LZTS2: variants seen among roughly 807,000 people sequenced by gnomAD.
LZTS2 encodes the protein leucine zipper tumor suppressor 2.
Under a neutral mutation model 60.6 loss-of-function variants are expected in LZTS2, and 32 were observed. That is an observed-to-expected ratio of 0.53 (90% CI 0.40 to 0.71). LZTS2 has a LOEUF of 0.71. LZTS2 is among the 30% of genes least tolerant of loss of function. LZTS2 has a pLI of 0.00. For missense variants in LZTS2, 792 were observed against 901.9 expected (o/e 0.88, Z 1.56); for synonymous variants, 360 against 393.1 (o/e 0.92, Z 1.00).
intron 3 of LZTS2, 47 bp downstream of exon 4, chr10:101,005,762 AC>A: frequency 2.7e-6 from 4 of 1,463,072 alleles, no homozygotes; most frequent in Non-Finnish European, 3.6e-6. Context: ...ACAGGGAGAA[AC>A]CCTGGAAAAA....
exon 4 of LZTS2, chr10:101,006,556 G>A: frequency 2.5e-6 from 4 of 1,611,596 alleles, no homozygotes; most frequent in South Asian, 1.1e-5. Context: ...AGCTGGTGCA[G>A]AAGGGCAGCG....
rs759282265 is a variant in LZTS2, at chr10:101,005,648, G to A, written c.1259G>A (p.Arg420Gln). The stretch of plus-strand genomic sequence containing the variant: ...CTGCAGGAGCGCGAACAGCTGGAGC[G>A]GCGCTGCGCCACCTTGGAGCGGGAG... The change falls in exon 3 of 4, where the codon CGG becomes CAG. Residue 420 changes from arginine to glutamine, a missense_variant. By Grantham distance (43) the Arg-to-Gln change is conservative (BLOSUM62 1). Coordinates refer to ENST00000370220, the Ensembl canonical transcript of LZTS2. The A allele has an allele frequency of 3.0e-5, 48 of 1,609,216 alleles. No individual in the cohort carries two copies. The African/African-American group carries it at 4.5e-4, about 15-fold the overall frequency.
intron 2 of LZTS2, among the ~76,000 whole-genome samples, chr10:101,004,916 G>A (rs753259666): frequency 2.6e-4 from 40 of 152,052 alleles, no homozygotes; most frequent in Non-Finnish European, 5.3e-4. Context: ...CAAGCTGGTC[G>A]CGAACCCCTG....
chr10:101,004,564 T>C (rs1007929776), intron 2 of LZTS2, among the ~76,000 whole-genome samples: 16 of 152,122 alleles, frequency 1.1e-4, no homozygotes, highest in African/African-American at 3.4e-4. Context: ...CATTCCACCA[T>C]TGCACTCCAG....
intron 3 of LZTS2, among the ~76,000 whole-genome samples, 196 bp downstream of exon 4, chr10:101,005,911 C>T (rs1391595468): frequency 4.6e-5 from 7 of 152,224 alleles, no homozygotes; most frequent in African/African-American, 1.7e-4. Context: ...CACGTAGCCA[C>T]GCTTCCAGCC....
exon 4 of LZTS2, chr10:101,006,863 G>A: frequency 6.5e-7 from 1 of 1,531,720 alleles, no homozygotes; most frequent in Non-Finnish European, 8.8e-7. Context: ...CGGGGTTGGG[G>A]GCAGCTTGCG....
At chr10:101,004,152 GCTA>G in exon 2 of LZTS2, 1 of 1,600,622 alleles carries the variant, frequency 6.2e-7, no homozygotes, top group Non-Finnish European at 8.5e-7. Context: ...CGAGAATGAG[GCTA>G]CCATGTGCCA....
At chr10:101,002,600 C>G (rs770673811) in exon 1 of LZTS2, 10 of 1,558,894 alleles carry the variant, frequency 6.4e-6, no homozygotes, top group Non-Finnish European at 8.7e-6. Context: ...GCCACTGCCC[C>G]ACAAGCTCCA....
intron 1 of LZTS2, 113 bp downstream of exon 2, chr10:101,003,059 C>G: frequency 7.6e-7 from 1 of 1,316,004 alleles, no homozygotes; most frequent in East Asian, 2.5e-5. Context: ...TTCACCAGAC[C>G]TGGGTCCTAA....
At position 101,004,373 on chromosome 10, in the gene LZTS2, G is replaced by A. The variant is rs1021152800; in HGVS notation, c.1068+207G>A. On this transcript the variant is annotated intron_variant, in intron 2 of 3. Transcript: ENST00000370220. ...TGTAATCCCAGCACTTTGGGAGGCC[G>A]AGGTGGGCGGATTGCTTGAGCTCGG... Among the ~76,000 whole-genome samples the A allele has an allele frequency of 3.3e-5, 5 of 152,216 alleles. 1 individual carries two copies. Among genetic ancestry groups the A allele is most frequent in the Admixed American group, 2.0e-4 (3 of 15,284 alleles).
At position 101,006,992 on chromosome 10, in the gene LZTS2, C is replaced by T. The variant is rs1380292690; in HGVS notation, c.1834C>T (p.Arg612Cys). 16 of 1,558,834 alleles carry T rather than the reference C, an allele frequency of 1.0e-5. No individual in the cohort carries two copies. The highest frequency in any genetic ancestry group is 1.9e-5 in the Admixed American group (1 of 51,370). Residue 612 changes from arginine (R) to cysteine (C), a missense_variant, in exon 4 of 4, where the codon CGC becomes TGC. Transcript: ENST00000370220. ...GCAGGCAGAGAAGGAGCAGGTGATC[C>T]GCTACCAGAAGCAGCTGCAGCACAA...
chr10:101,006,918 G>T (rs370968288), exon 4 of LZTS2: 3 of 1,530,614 alleles, frequency 2.0e-6, no homozygotes, highest in Non-Finnish European at 2.6e-6. Flanking sequence ...CGGGAGCGGC[G>T]GCGGGGTGAG....
exon 4 of LZTS2, chr10:101,006,598 G>T (rs1203709898): frequency 6.2e-7 from 1 of 1,607,834 alleles, no homozygotes; most frequent in South Asian, 1.1e-5. Context: ...CGCTGCGGGA[G>T]GCCCGTGCTA....
At chr10:101,003,662 CTCCTCCTCCTCT>C (rs780014255) in exon 2 of LZTS2, 10 of 1,610,742 alleles carry the variant, frequency 6.2e-6, no homozygotes, top group South Asian at 5.5e-5. Flanking sequence ...GCCCTGCCTC[CTCCTCCTCCTCT>C]TCCTCCTCCT....
upstream of LZTS2, chr10:100,999,044 G>A (rs115513752): frequency 0.01 from 1,545 of 152,614 alleles, 24 homozygotes; most frequent in African/African-American, 0.035. Flanking sequence ...GTAGGTTTGG[G>A]CTGTAGGCTT....
At chr10:101,007,017 A>G (rs1852230298) in exon 4 of LZTS2, 2 of 1,577,598 alleles carry the variant, frequency 1.3e-6, no homozygotes, top group Non-Finnish European at 1.7e-6. Flanking sequence ...CTGCAGCACA[A>G]CTACATCCAG....
At chr10:101,003,743 G>C in exon 2 of LZTS2, 1 of 1,612,966 alleles carries the variant, frequency 6.2e-7, no homozygotes. Context: ...GCCCATCAGG[G>C]ACGCTATCCG....
At chr10:101,005,162 C>G (rs1852143388) in intron 2 of LZTS2, among the ~76,000 whole-genome samples, 1 of 152,162 alleles carries the variant, frequency 6.6e-6, no homozygotes, top group Admixed American at 6.5e-5. Context: ...TGCCACCACA[C>G]CAAGCTAATT....
exon 1 of LZTS2, chr10:101,001,572 G>A (rs1331337582): frequency 6.6e-6 from 1 of 152,286 alleles, no homozygotes; most frequent in East Asian, 1.9e-4. Flanking sequence ...TCGGGACTGG[G>A]ACTAGGGAGG....
Sources: allele counts gnomAD v4.1 joint callset (sites outside exome capture counted in the v4.1 genomes callset), GRCh38; gene constraint gnomAD v4.1.1; transcripts MANE v1.5; gene names NCBI Gene and HGNC (gene_info 2026-07-23, HGNC 2026-07-21).